The following KDM4D variants were observed in gnomAD, a reference collection of about 807,000 sequenced individuals.
KDM4D encodes the protein lysine-specific demethylase 4D.
For missense variants in KDM4D, 427 were observed against 674.8 expected (o/e 0.63, Z 4.07); for synonymous variants, 254 against 249.1 (o/e 1.02, Z -0.19).
At chr11:94,976,098 CTT>C (rs1857795207) in intron 2 of KDM4D, among the ~76,000 whole-genome samples, 1 of 152,122 alleles carries the variant, frequency 6.6e-6, no homozygotes, top group Non-Finnish European at 1.5e-5. Flanking sequence ...GAAAAAGAAA[CTT>C]AAGTTTACTA....
At position 94,981,846 on chromosome 11, in the gene KDM4D, C is replaced by T. The variant is rs1857845462; in HGVS notation, c.-350+6098C>T. ...TTTTTATTTCATCAGTTTCTGGTCTCTTATTATTTCTCTTCTTTTTCTTTC... is the reference window on the plus strand; with the variant it reads ...TTTTTATTTCATCAGTTTCTGGTCTTTTATTATTTCTCTTCTTTTTCTTTC... On this transcript the variant is annotated intron_variant, in intron 2 of 2. Coordinates refer to ENST00000335080, the MANE Select transcript of KDM4D (RefSeq NM_018039.3). Among the ~76,000 whole-genome samples, 3 of 151,298 alleles carry T rather than the reference C, an allele frequency of 2.0e-5. No homozygotes were observed. The South Asian group carries it at 6.2e-4, about 31-fold the overall frequency.
At chr11:94,988,966 T>C (rs924374252) in intron 2 of KDM4D, among the ~76,000 whole-genome samples, 6 of 152,166 alleles carry the variant, frequency 3.9e-5, no homozygotes, top group African/African-American at 1.4e-4. Context: ...AGTCTAGATT[T>C]AAGTAAGCAT....
intron 2 of KDM4D, among the ~76,000 whole-genome samples, chr11:94,977,049 G>T (rs1185972672): frequency 1.5e-5 from 2 of 135,452 alleles, no homozygotes; most frequent in African/African-American, 5.4e-5. Flanking sequence ...TACTGCTAGT[G>T]ATACACATAA....
At chr11:94,982,739 A>T (rs1303874062) in intron 2 of KDM4D, among the ~76,000 whole-genome samples, 10 of 151,900 alleles carry the variant, frequency 6.6e-5, no homozygotes, top group African/African-American at 2.4e-4. Context: ...TAATAGAAAA[A>T]AATTTCCATG....
intron 2 of KDM4D, among the ~76,000 whole-genome samples, chr11:94,987,490 T>C (rs143361605): frequency 5.8e-4 from 89 of 152,326 alleles, no homozygotes; most frequent in African/African-American, 2.0e-3. Context: ...CTTTTCATTA[T>C]AGTCTTATCT....
intron 2 of KDM4D, among the ~76,000 whole-genome samples, chr11:94,996,121 A>T (rs1202449026): frequency 6.6e-6 from 1 of 152,200 alleles, no homozygotes. Context: ...TATCACTTGA[A>T]TGTATAGTTT....
At chr11:94,990,935 T>C (rs1323179610) in intron 2 of KDM4D, among the ~76,000 whole-genome samples, 1 of 152,220 alleles carries the variant, frequency 6.6e-6, no homozygotes, top group African/African-American at 2.4e-5. Flanking sequence ...TGGCAGAAGA[T>C]TGAGCTTCAT....
At chr11:94,986,048 C>T (rs1319662839) in intron 2 of KDM4D, among the ~76,000 whole-genome samples, 7 of 152,122 alleles carry the variant, frequency 4.6e-5, no homozygotes, top group African/African-American at 1.2e-4. Context: ...ATTGATAAGA[C>T]GGGCTTCATC....
chr11:94,987,133 T>A (rs1273108411), intron 2 of KDM4D, among the ~76,000 whole-genome samples: 1 of 152,186 alleles, frequency 6.6e-6, no homozygotes, highest in Non-Finnish European at 1.5e-5. Flanking sequence ...GAAGGTAGAT[T>A]AGTGGTTGCC....
intron 2 of KDM4D, among the ~76,000 whole-genome samples, chr11:94,990,078 C>T (rs1189664864): frequency 6.6e-6 from 1 of 152,108 alleles, no homozygotes; most frequent in Admixed American, 6.6e-5. Flanking sequence ...TTTTCTCATG[C>T]AGCTTATGAG....
intron 2 of KDM4D, among the ~76,000 whole-genome samples, chr11:94,979,404 AT>A (rs1362258979): frequency 6.6e-6 from 1 of 151,806 alleles, no homozygotes; most frequent in Non-Finnish European, 1.5e-5. Flanking sequence ...TAATTTTTGT[AT>A]TTTTAGTAGA....
At chr11:94,994,782 T>G in intron 2 of KDM4D, among the ~76,000 whole-genome samples, 3 of 148,060 alleles carry the variant, frequency 2.0e-5, no homozygotes, top group Non-Finnish European at 3.0e-5. Context: ...GGACCTGGGG[T>G]TGGGTGGGAG....
chr11:94,979,240 A>AT, intron 2 of KDM4D, among the ~76,000 whole-genome samples: 1 of 151,744 alleles, frequency 6.6e-6, no homozygotes, highest in East Asian at 2.0e-4. Context: ...TTATTTATTT[A>AT]TTTTTTTGAG....
At chr11:94,976,931 C>A (rs1174918353) in intron 2 of KDM4D, among the ~76,000 whole-genome samples, 2 of 152,146 alleles carry the variant, frequency 1.3e-5, no homozygotes, top group Non-Finnish European at 2.9e-5. Context: ...TTTAAAAATT[C>A]ATTTATCCAA....
In KDM4D at chr11:94,998,077, C is replaced by T. The variant is rs1857990016; in HGVS notation, c.705C>T (p.Ser235=). ...CCAGGGAGCTCTTCCCAGGCAGTTC[C>T]CGGGGTTGTGGGGCCTTCCTGCGGC... is the stretch of plus-strand genomic sequence containing the variant. ...RLARELFPGS[S]RGCGAFLRHK... Residue 235 remains serine (S), a synonymous_variant, in exon 3 of 3, where the codon TCC becomes TCT. Transcript: ENST00000335080. This position sits in a 1 kb window ranked among gnomAD's most constrained non-coding sequence, Gnocchi z 6.7. 2 of 1,614,160 alleles carry T rather than the reference C, an allele frequency of 1.2e-6. No homozygotes were observed. The highest frequency in any genetic ancestry group is 1.7e-6 in the Non-Finnish European group (2 of 1,180,040).
intron 2 of KDM4D, among the ~76,000 whole-genome samples, chr11:94,982,645 A>G (rs905458963): frequency 7.9e-5 from 12 of 151,798 alleles, no homozygotes; most frequent in African/African-American, 2.9e-4. Context: ...TTCTAGAATT[A>G]ATGGCCAAGC....
chr11:94,992,030 AC>A lies in KDM4D; in HGVS notation c.-349-4987del, dbSNP rs587669504. On this transcript the variant is annotated intron_variant, in intron 2 of 2. Coordinates refer to ENST00000335080, the MANE Select transcript of KDM4D (RefSeq NM_018039.3). ...CACACAATAATTTCAAAAGTTAATA[AC>A]CCCCCCTCTCCGAAATACAGAATTA... Among the ~76,000 whole-genome samples the A allele has an allele frequency of 9.0e-4, 137 of 151,836 alleles. No homozygotes were observed. In the Middle Eastern group the frequency reaches 0.01, roughly 11 times the overall value.
At chr11:94,974,725 A>G (rs1226861833) in intron 1 of KDM4D, among the ~76,000 whole-genome samples, 1 of 152,182 alleles carries the variant, frequency 6.6e-6, no homozygotes, top group Non-Finnish European at 1.5e-5. Context: ...CACTCTTCAC[A>G]TACGGTTCAT....
chr11:94,989,752 C>T (rs200417194), intron 2 of KDM4D, among the ~76,000 whole-genome samples: 2,002 of 122,794 alleles, frequency 0.016, 49 homozygotes, highest in African/African-American at 0.056. Context: ...CTCTCTCTTT[C>T]TTTTTTTTTT....
Sources: gnomAD v4.1 joint callset for allele counts (sites outside exome capture counted in the v4.1 genomes callset) on GRCh38, gnomAD v4.1.1 for gene constraint, Gnocchi (gnomAD v3.1) non-coding constraint, MANE v1.5 for transcripts, NCBI Gene and HGNC (gene_info 2026-07-23, HGNC 2026-07-21) for gene names.